INO80: variants seen among roughly 807,000 people sequenced by gnomAD.
INO80 encodes the protein chromatin-remodeling ATPase INO80.
A neutral mutation model predicts 203.4 loss-of-function variants in INO80; 20 were observed. The observed-to-expected ratio is 0.10, with a 90% CI of 0.07 to 0.14. The LOEUF (loss-of-function observed/expected upper bound fraction) is 0.14. Ranked by LOEUF, INO80 falls within the 10% of genes least tolerant of loss-of-function variation. The pLI, the probability that INO80 is intolerant of heterozygous loss-of-function variation, is 1.00. For synonymous variants in INO80, 726 were observed against 685.2 expected (o/e 1.06, Z -0.93); for missense variants, 1,419 against 1,914.4 (o/e 0.74, Z 4.83).
chr15:41,025,851 AGAG>A lies in INO80; in HGVS notation c.3048+1742_3048+1744del, dbSNP rs959880955. On this transcript the variant is annotated intron_variant, in intron 25 of 35. Transcript: ENST00000648947. Reference sequence around the variant, plus strand: ...CTCTTGGTATACACCTATCATACTAAGAGAACAAAACCAACCACACAACCATGA... The same window carrying A: ...CTCTTGGTATACACCTATCATACTAAAACAAAACCAACCACACAACCATGA... Among the ~76,000 whole-genome samples, 16 of 152,378 alleles carry A rather than the reference AGAG, an allele frequency of 1.1e-4. 1 individual carries two copies. Among genetic ancestry groups the A allele is most frequent in the African/African-American group, 3.6e-4 (15 of 41,590 alleles).
At chr15:41,011,928 T>C (rs1390500592) in intron 27 of INO80, among the ~76,000 whole-genome samples, 3 of 152,176 alleles carry the variant, frequency 2.0e-5, no homozygotes, top group African/African-American at 7.2e-5. Flanking sequence ...GTTGGTAGAG[T>C]TCAAGATTTG....
chr15:41,000,336 G>C (rs957386329), intron 28 of INO80, among the ~76,000 whole-genome samples: 4 of 152,040 alleles, frequency 2.6e-5, no homozygotes, highest in African/African-American at 9.7e-5. Flanking sequence ...GGGAGTATGG[G>C]GGACTGGTGG....
chr15:41,032,686 C>T (rs1287105996), intron 24 of INO80, among the ~76,000 whole-genome samples: 4 of 152,130 alleles, frequency 2.6e-5, no homozygotes, highest in Admixed American at 6.6e-5. Context: ...TTTTAAATTG[C>T]AAAATCTGAA....
At chr15:41,016,707 T>C (rs1566912247) in intron 26 of INO80, 1 of 152,460 alleles carries the variant, frequency 6.6e-6, no homozygotes, top group African/African-American at 2.4e-5. Context: ...TTTTTCCCTT[T>C]TTCAAGACAG....
At chr15:41,080,154 A>G (rs1280721409) in intron 8 of INO80, among the ~76,000 whole-genome samples, 3 of 152,204 alleles carry the variant, frequency 2.0e-5, no homozygotes, top group South Asian at 2.1e-4. Context: ...AATGATGAAG[A>G]AGGACCTGGG....
At chr15:41,034,027 A>C (rs1397245648) in intron 24 of INO80, among the ~76,000 whole-genome samples, 1 of 152,116 alleles carries the variant, frequency 6.6e-6, no homozygotes, top group East Asian at 1.9e-4. Context: ...GTGCCACTGC[A>C]CTCCAGTCTT....
intron 28 of INO80, chr15:40,999,408 A>G (rs1353485962): frequency 1.3e-5 from 2 of 152,234 alleles, no homozygotes; most frequent in African/African-American, 4.8e-5. Context: ...TGAAAGAACT[A>G]TTTTGAAATA....
At chr15:41,067,615 A>G (rs1440751959) in intron 14 of INO80, among the ~76,000 whole-genome samples, 1 of 152,182 alleles carries the variant, frequency 6.6e-6, no homozygotes, top group Non-Finnish European at 1.5e-5. Context: ...TTTAGCCACA[A>G]AATGGGACCA....
chr15:41,049,461 A>T (rs1364748977), intron 20 of INO80, 41 bp from the exon 21 acceptor site: 1 of 1,597,484 alleles, frequency 6.3e-7, no homozygotes, highest in Admixed American at 1.7e-5. Context: ...TACCACATGC[A>T]GACATCATAC....
At chr15:41,056,536 C>T in intron 17 of INO80, 86 bp downstream of exon 17, 1 of 1,085,758 alleles carries the variant, frequency 9.2e-7, no homozygotes, top group East Asian at 2.4e-5. Flanking sequence ...AGTAGCACTG[C>T]AAGGGAATGG....
chr15:41,008,460 A>G (rs2140444440), intron 27 of INO80, among the ~76,000 whole-genome samples: 1 of 152,244 alleles, frequency 6.6e-6, no homozygotes, highest in Middle Eastern at 3.4e-3. Flanking sequence ...AAAGGGTACA[A>G]AGGTTCAGTT....
chr15:41,031,528 GGA>G (rs2044463511), intron 24 of INO80, among the ~76,000 whole-genome samples: 1 of 30,770 alleles, frequency 3.2e-5, no homozygotes, highest in South Asian at 1.6e-3. Flanking sequence ...AAGGGAGGAA[GGA>G]GAAGGGAGGA....
chr15:40,984,036 C>T, intron 33 of INO80, 115 bp from the exon 34 acceptor site: 1 of 1,379,632 alleles, frequency 7.2e-7, no homozygotes, highest in South Asian at 1.3e-5. Flanking sequence ...GAGAAACCAA[C>T]CTGTCCTCAT....
intron 28 of INO80, 87 bp from the exon 29 acceptor site, chr15:40,997,688 C>A: frequency 2.3e-6 from 2 of 859,570 alleles, no homozygotes; most frequent in Non-Finnish European, 3.9e-6. Context: ...GAATACAGAA[C>A]ATAAAGTCTA....
chr15:41,058,890 G>C, intron 15 of INO80, 109 bp from the exon 16 acceptor site: 1 of 981,950 alleles, frequency 1.0e-6, no homozygotes, highest in Non-Finnish European at 1.5e-6. Context: ...CAGCCCTGAA[G>C]ATGTGCTTCT....
chr15:41,002,591 T>C (rs1169681445), intron 28 of INO80, among the ~76,000 whole-genome samples: 1 of 152,224 alleles, frequency 6.6e-6, no homozygotes, highest in Non-Finnish European at 1.5e-5. Context: ...TTGGGGTCTA[T>C]ATTAGCAGAA....
At chr15:41,043,709 A>G (rs996911361) in intron 24 of INO80, among the ~76,000 whole-genome samples, 1 of 152,208 alleles carries the variant, frequency 6.6e-6, no homozygotes, top group African/African-American at 2.4e-5. Flanking sequence ...CTGAAGGACT[A>G]TAACAAAGAA....
At chr15:41,050,210 CAT>C in intron 19 of INO80, 108 bp from the exon 20 acceptor site, 1 of 698,048 alleles carries the variant, frequency 1.4e-6, no homozygotes. Flanking sequence ...TGAGAATAAA[CAT>C]ATGTGAACTC....
chr15:41,074,824 G>T (rs763076816), intron 9 of INO80, among the ~76,000 whole-genome samples: 4 of 152,000 alleles, frequency 2.6e-5, no homozygotes, highest in African/African-American at 4.8e-5. Context: ...GGCTCACTGC[G>T]ACCTCCGCCT....
Sources: allele counts gnomAD v4.1 joint callset (sites outside exome capture counted in the v4.1 genomes callset), GRCh38; gene constraint gnomAD v4.1.1; transcripts MANE v1.5; gene names NCBI Gene and HGNC (gene_info 2026-07-23, HGNC 2026-07-21).